SAMMSON: variants seen among roughly 807,000 people sequenced by gnomAD.
The protein encoded by SAMMSON is long intergenic non-protein coding RNA 1212.
At chr3:70,035,135 TC>T (rs1297882937) in intron 3 of SAMMSON, among the ~76,000 whole-genome samples, 1 of 152,014 alleles carries the variant, frequency 6.6e-6, no homozygotes, top group Non-Finnish European at 1.5e-5. Flanking sequence ...TTCGGGCCCA[TC>T]CAGGTTATTG....
chr3:70,118,983 G>A (rs2067422322), intron 4 of SAMMSON, among the ~76,000 whole-genome samples: 1 of 152,026 alleles, frequency 6.6e-6, no homozygotes, highest in African/African-American at 2.4e-5. Context: ...TATCTGTTCT[G>A]CTTTTCTGTG....
chr3:70,036,504 A>G (rs2067085619), intron 3 of SAMMSON, among the ~76,000 whole-genome samples: 1 of 152,208 alleles, frequency 6.6e-6, no homozygotes, highest in Non-Finnish European at 1.5e-5. Flanking sequence ...TGTTTAAAAA[A>G]GTGGGCATAT....
intron 6 of SAMMSON, among the ~76,000 whole-genome samples, chr3:70,286,433 C>A (rs1464588549): frequency 3.3e-5 from 5 of 151,768 alleles, no homozygotes; most frequent in African/African-American, 9.7e-5. Flanking sequence ...TGTTTTGGTA[C>A]CAGTACCATG....
intron 4 of SAMMSON, among the ~76,000 whole-genome samples, chr3:70,115,005 C>G (rs1247973967): frequency 6.6e-6 from 1 of 151,930 alleles, no homozygotes; most frequent in South Asian, 2.1e-4. Flanking sequence ...GGGACCAAAT[C>G]TTACATCAGA....
rs139143621 is a variant in SAMMSON at position 70,375,448 on chromosome 3, G to A, written n.914-14126G>A. Among the ~76,000 whole-genome samples, 848 of 146,904 alleles carry A rather than the reference G, an allele frequency of 5.8e-3. 3 individuals carry two copies. Among genetic ancestry groups the A allele is most frequent in the Non-Finnish European group, 8.8e-3 (594 of 67,124 alleles). ...AGTGTTGGTGTCATATCTTTATATC[G>A]ATGCTGTTCTAGACCCTCTTTTATT... On this transcript the variant is annotated intron_variant and non_coding_transcript_variant, in intron 9 of 9. Transcript: ENST00000642114.
Position 70,330,900 on chromosome 3 carries a change from A to G in SAMMSON, n.740-23275A>G, listed in dbSNP as rs751895946. 5.9e-5 allele frequency among the ~76,000 whole-genome samples: 9 copies of G among 152,312 alleles called. No homozygotes were observed. In the East Asian group the frequency reaches 1.2e-3, roughly 20 times the overall value. The stretch of plus-strand genomic sequence containing the variant: ...TGAAGTGAATGAAAATAAATTATAG[A>G]CAACTCATTAAATATAATTTTATAC... On this transcript the variant is annotated intron_variant and non_coding_transcript_variant, in intron 7 of 9. Coordinates refer to ENST00000642114, the Ensembl canonical transcript of SAMMSON.
chr3:70,325,079 G>A (rs903095414), intron 7 of SAMMSON, among the ~76,000 whole-genome samples: 2 of 152,136 alleles, frequency 1.3e-5, no homozygotes, highest in African/African-American at 4.8e-5. Flanking sequence ...TATGTTAGTT[G>A]TGGAAGGGAC....
chr3:70,307,171 T>C lies in SAMMSON; in HGVS notation n.739+15928T>C, dbSNP rs1354665952. Among the ~76,000 whole-genome samples the C allele has an allele frequency of 2.0e-5, 3 of 152,170 alleles. No individual in the cohort carries two copies. The East Asian group carries it at 5.8e-4, about 29-fold the overall frequency. Reference sequence around the variant, plus strand: ...AGACCCCAGAGCCTGGTTTCATTTGTCCTTGGTATTTTATTGTTGTTGTTT... The same window carrying C: ...AGACCCCAGAGCCTGGTTTCATTTGCCCTTGGTATTTTATTGTTGTTGTTT... On this transcript the variant is annotated intron_variant and non_coding_transcript_variant, in intron 7 of 9. Transcript: ENST00000642114.
At chr3:70,176,893 C>T (rs1019587458) in intron 4 of SAMMSON, among the ~76,000 whole-genome samples, 5 of 152,026 alleles carry the variant, frequency 3.3e-5, no homozygotes, top group South Asian at 2.1e-4. Context: ...TCTCTTCAAC[C>T]GGGTGGAGAA....
chr3:70,289,120 T>A (rs1277874331), intron 6 of SAMMSON, among the ~76,000 whole-genome samples: 4 of 151,924 alleles, frequency 2.6e-5, no homozygotes, highest in Non-Finnish European at 5.9e-5. Context: ...AGCTGGTGAT[T>A]TTGCTCGTTA....
At chr3:70,116,244 A>T (rs898657353) in intron 4 of SAMMSON, among the ~76,000 whole-genome samples, 6 of 150,638 alleles carry the variant, frequency 4.0e-5, no homozygotes, top group African/African-American at 1.5e-4. Context: ...ATAGAAAATG[A>T]CTAAGTTAAT....
At chr3:70,357,048 T>C (rs1396571216) in intron 8 of SAMMSON, among the ~76,000 whole-genome samples, 6 of 152,152 alleles carry the variant, frequency 3.9e-5, no homozygotes, top group Non-Finnish European at 5.9e-5. Flanking sequence ...AGAAAAATTA[T>C]ATTCTGGGGG....
At chr3:70,325,184 G>A (rs781145294) in intron 7 of SAMMSON, among the ~76,000 whole-genome samples, 2 of 152,096 alleles carry the variant, frequency 1.3e-5, no homozygotes, top group Non-Finnish European at 2.9e-5. Context: ...ACTTTATGTT[G>A]CATAGTAACT....
At chr3:70,303,500 G>T (rs920545370) in intron 7 of SAMMSON, among the ~76,000 whole-genome samples, 2 of 152,116 alleles carry the variant, frequency 1.3e-5, no homozygotes, top group Non-Finnish European at 2.9e-5. Flanking sequence ...ATTAGTTCCT[G>T]ATTCTCCTGA....
chr3:70,315,073 A>G (rs1412768660), intron 7 of SAMMSON, among the ~76,000 whole-genome samples: 2 of 152,166 alleles, frequency 1.3e-5, no homozygotes, highest in Admixed American at 6.6e-5. Flanking sequence ...TCCAATTACT[A>G]TGATATAATT....
chr3:70,396,278 T>C (rs996655642), intron 2 of SAMMSON, among the ~76,000 whole-genome samples: 14 of 152,238 alleles, frequency 9.2e-5, no homozygotes, highest in Non-Finnish European at 1.6e-4. Context: ...ACTATTAACA[T>C]ACACAATAAA....
chr3:70,050,361 G>T (rs2107589041), intron 3 of SAMMSON, among the ~76,000 whole-genome samples: 1 of 152,176 alleles, frequency 6.6e-6, no homozygotes, highest in East Asian at 1.9e-4. Flanking sequence ...CTTGGCATTG[G>T]GTTGGCCAGC....
intron 4 of SAMMSON, among the ~76,000 whole-genome samples, chr3:70,171,861 T>C (rs1700960171): frequency 6.6e-6 from 1 of 151,890 alleles, no homozygotes; most frequent in Admixed American, 6.6e-5. Flanking sequence ...GGAAGACACC[T>C]GGCGTATTAG....
At chr3:70,044,290 G>A (rs779065917) in intron 3 of SAMMSON, among the ~76,000 whole-genome samples, 5 of 151,966 alleles carry the variant, frequency 3.3e-5, no homozygotes, top group African/African-American at 4.8e-5. Flanking sequence ...AATCTTCCTA[G>A]TACACAATGA....
Sources: gnomAD v4.1 joint callset for allele counts (sites outside exome capture counted in the v4.1 genomes callset) on GRCh38, gnomAD v4.1.1 for gene constraint, MANE v1.5 for transcripts, NCBI Gene and HGNC (gene_info 2026-07-23, HGNC 2026-07-21) for gene names.